CACNA2D3: variants seen among roughly 807,000 people sequenced by gnomAD.
CACNA2D3 encodes voltage-dependent calcium channel subunit alpha-2/delta-3.
In CACNA2D3, 60 loss-of-function variants were observed where a neutral mutation model predicts 160.6. The ratio of observed to expected loss-of-function variants is 0.37; its 90% CI spans 0.30 to 0.46. CACNA2D3 has a LOEUF of 0.46. Among genes scored for constraint, CACNA2D3 ranks in the 20% least tolerant of loss-of-function variants. CACNA2D3 has a pLI of 1.00. For synonymous variants in CACNA2D3, 558 were observed against 492.9 expected, an observed-to-expected ratio of 1.13 and a Z score of -1.75; for missense variants, 1,205 against 1,365.0, an observed-to-expected ratio of 0.88 and a Z score of 1.85.
intron 10 of CACNA2D3, among the ~76,000 whole-genome samples, chr3:54,628,437 G>A (rs575235059): frequency 2.0e-5 from 3 of 152,258 alleles, no homozygotes; most frequent in East Asian, 1.9e-4. Flanking sequence ...ATTGAGTAGC[G>A]TCATAGAGAC....
At chr3:54,839,097 A>C (rs1333348180) in intron 16 of CACNA2D3, among the ~76,000 whole-genome samples, 1 of 152,162 alleles carries the variant, frequency 6.6e-6, no homozygotes, top group East Asian at 1.9e-4. Context: ...CTCTACTAAA[A>C]ATACAAAACA....
At chr3:54,373,384 A>G (rs1329233879) in intron 3 of CACNA2D3, among the ~76,000 whole-genome samples, 2 of 152,152 alleles carry the variant, frequency 1.3e-5, no homozygotes, top group African/African-American at 4.8e-5. Context: ...GGTCATTTGG[A>G]TTTTGTTTTC....
chr3:54,468,776 G>A (rs952558568), intron 4 of CACNA2D3, among the ~76,000 whole-genome samples: 4 of 152,158 alleles, frequency 2.6e-5, no homozygotes, highest in Non-Finnish European at 5.9e-5. Context: ...GGCTTGAGTA[G>A]GTGGTTTACC....
chr3:54,851,847 A>C (rs146299712), intron 17 of CACNA2D3, among the ~76,000 whole-genome samples: 191 of 152,348 alleles, frequency 1.3e-3, no homozygotes, highest in Middle Eastern at 0.01. Context: ...CATTCTTTTC[A>C]TGCTAATCTT....
chr3:54,253,206 G>A (rs562776097), intron 2 of CACNA2D3, among the ~76,000 whole-genome samples: 35 of 151,780 alleles, frequency 2.3e-4, no homozygotes, highest in African/African-American at 8.2e-4. Flanking sequence ...CTTTCTGAGA[G>A]CAAGAGAGTA....
chr3:54,855,763 G>T (rs1699156529), intron 17 of CACNA2D3, among the ~76,000 whole-genome samples: 2 of 152,134 alleles, frequency 1.3e-5, no homozygotes, highest in South Asian at 4.2e-4. Flanking sequence ...TCCCCCTTCT[G>T]CTCAAGTGAT....
chr3:54,248,817 AG>A (rs1227406029), intron 2 of CACNA2D3, among the ~76,000 whole-genome samples: 1 of 152,364 alleles, frequency 6.6e-6, no homozygotes, highest in East Asian at 1.9e-4. Flanking sequence ...CAGCAGATAA[AG>A]AACTATGACT....
At chr3:54,534,954 A>T (rs1701864684) in intron 5 of CACNA2D3, among the ~76,000 whole-genome samples, 1 of 152,142 alleles carries the variant, frequency 6.6e-6, no homozygotes, top group Non-Finnish European at 1.5e-5. Context: ...AGTAAAATAA[A>T]TGATTCCTAT....
chr3:54,182,492 G>A (rs1343670202), intron 2 of CACNA2D3, among the ~76,000 whole-genome samples: 2 of 152,214 alleles, frequency 1.3e-5, no homozygotes, highest in African/African-American at 4.8e-5. Flanking sequence ...GGGCAGATGG[G>A]AACAGGATGT....
Position 55,004,790 on chromosome 3 carries a change from G to C in CACNA2D3, c.2718G>C (p.Met906Ile). 6.2e-7 allele frequency: 1 copy of C among 1,613,660 alleles called. No homozygotes were observed. The highest frequency in any genetic ancestry group is 8.5e-7 in the Non-Finnish European group (1 of 1,179,606). ...KRITLYDYQA[M>I]CRANKESSDG... Reference sequence around the variant, plus strand: ...TTACCCTTTATGACTACCAAGCCATGTGTAGAGCCAACAAGGAAAGCAGCG... The same window carrying C: ...TTACCCTTTATGACTACCAAGCCATCTGTAGAGCCAACAAGGAAAGCAGCG... Residue 906 changes from methionine (M) to isoleucine (I), a missense_variant, in exon 32 of 38, where the codon ATG becomes ATC. Met to Ile is a conservative substitution (Grantham distance 10). Coordinates refer to ENST00000474759, the MANE Select transcript of CACNA2D3 (RefSeq NM_018398.3).
At chr3:54,188,679 C>T (rs542216698) in intron 2 of CACNA2D3, among the ~76,000 whole-genome samples, 2 of 152,268 alleles carry the variant, frequency 1.3e-5, no homozygotes, top group South Asian at 2.1e-4. Flanking sequence ...AGTTTACTGT[C>T]GGCTCCTTCA....
intron 2 of CACNA2D3, among the ~76,000 whole-genome samples, chr3:54,230,318 G>A (rs1701747112): frequency 6.6e-6 from 1 of 152,132 alleles, no homozygotes; most frequent in Non-Finnish European, 1.5e-5. Context: ...GCTTCCTAAA[G>A]ATGAAGATTT....
intron 35 of CACNA2D3, among the ~76,000 whole-genome samples, chr3:55,056,571 A>G (rs1376179047): frequency 1.3e-5 from 2 of 152,222 alleles, no homozygotes; most frequent in Non-Finnish European, 2.9e-5. Flanking sequence ...TCATCAATAG[A>G]TGAATGGATA....
At chr3:54,709,078 C>T (rs1042406274) in intron 11 of CACNA2D3, among the ~76,000 whole-genome samples, 6 of 150,184 alleles carry the variant, frequency 4.0e-5, no homozygotes, top group Non-Finnish European at 8.8e-5. Flanking sequence ...GACTCAATGT[C>T]GGCTCACTGC....
At chr3:54,822,810 T>TC (rs1703660699) in intron 14 of CACNA2D3, among the ~76,000 whole-genome samples, 4 of 121,140 alleles carry the variant, frequency 3.3e-5, no homozygotes, top group African/African-American at 1.2e-4. Flanking sequence ...TTTCTTTCTT[T>TC]CTTTCTTTCT....
At chr3:54,666,878 C>CT (rs755967205) in intron 11 of CACNA2D3, among the ~76,000 whole-genome samples, 4 of 152,190 alleles carry the variant, frequency 2.6e-5, no homozygotes, top group Non-Finnish European at 4.4e-5. Context: ...TCAAATTCCT[C>CT]TGTCTGGCTC....
intron 11 of CACNA2D3, among the ~76,000 whole-genome samples, chr3:54,662,323 AC>A (rs902431718): frequency 2.0e-5 from 3 of 152,134 alleles, no homozygotes; most frequent in Non-Finnish European, 4.4e-5. Flanking sequence ...GGACTCGCCT[AC>A]CTGTGATCCC....
chr3:54,705,804 T>C (rs1452599473), intron 11 of CACNA2D3, among the ~76,000 whole-genome samples: 1 of 152,214 alleles, frequency 6.6e-6, no homozygotes, highest in Non-Finnish European at 1.5e-5. Flanking sequence ...TGAGTTTTGA[T>C]TTGCTATGCG....
chr3:54,651,904 C>A (rs1002878053), intron 11 of CACNA2D3, among the ~76,000 whole-genome samples: 1 of 152,134 alleles, frequency 6.6e-6, no homozygotes, highest in Non-Finnish European at 1.5e-5. Context: ...TTTTAAGAAC[C>A]CAACCCTTCA....
Sources: allele counts gnomAD v4.1 joint callset (sites outside exome capture counted in the v4.1 genomes callset), GRCh38; gene constraint gnomAD v4.1.1; transcripts MANE v1.5; gene names NCBI Gene and HGNC (gene_info 2026-07-23, HGNC 2026-07-21).